SVIL: variants seen among roughly 807,000 people sequenced by gnomAD.
SVIL encodes supervillin, also known as archvillin.
A neutral mutation model predicts 240.4 loss-of-function variants in SVIL; 101 were observed. The observed-to-expected ratio is 0.42, with a 90% CI of 0.36 to 0.50. SVIL has a LOEUF of 0.50. SVIL is among the 20% of genes least tolerant of loss of function. The probability of loss-of-function intolerance (pLI) is 0.01; values close to 1 mark genes in which losing one functional copy is unlikely to be tolerated. For synonymous variants in SVIL, 999 were observed against 1,100.0 expected (o/e 0.91, Z 1.82); for missense variants, 2,512 against 2,818.7 (o/e 0.89, Z 2.46).
At chr10:29,502,510 T>G (rs577496765) in intron 17 of SVIL, among the ~76,000 whole-genome samples, 1 of 152,342 alleles carries the variant, frequency 6.6e-6, no homozygotes, top group Non-Finnish European at 1.5e-5. Context: ...GACACATGTT[T>G]GGGATTGGCT....
chr10:29,712,910 C>T (rs1216601954), intron 1 of SVIL, among the ~76,000 whole-genome samples: 1 of 152,178 alleles, frequency 6.6e-6, no homozygotes, highest in Non-Finnish European at 1.5e-5. Context: ...GGCACGGTGG[C>T]TCAGGCCTGT....
chr10:29,570,120 A>G (rs548206641), intron 1 of SVIL, among the ~76,000 whole-genome samples: 7 of 152,388 alleles, frequency 4.6e-5, no homozygotes, highest in African/African-American at 1.7e-4. Context: ...TACAAAATAT[A>G]TCAGATGTTG....
At chr10:29,500,012 G>A (rs916582679) in intron 17 of SVIL, among the ~76,000 whole-genome samples, 65 of 152,168 alleles carry the variant, frequency 4.3e-4, no homozygotes, top group Admixed American at 8.5e-4. Flanking sequence ...ATGCTCATTA[G>A]GCTTGCGGTT....
In SVIL at chr10:29,612,741, A is replaced by T. The variant is rs368637249; in HGVS notation, c.-201+21679T>A. On this transcript the variant is annotated intron_variant, in intron 1 of 37. Coordinates refer to ENST00000355867, the MANE Select transcript of SVIL (RefSeq NM_021738.3). Reference sequence around the variant, plus strand: ...GAAAAAAGATTTCAAAAAGTTTAAAAAACGTAGATCCTTAGTAAATGTGCT... The same window carrying T: ...GAAAAAAGATTTCAAAAAGTTTAAATAACGTAGATCCTTAGTAAATGTGCT... Among the ~76,000 whole-genome samples, 7 of 152,200 alleles carry T rather than the reference A, an allele frequency of 4.6e-5. No homozygotes were observed. The East Asian group carries it at 5.8e-4, about 13-fold the overall frequency.
intron 1 of SVIL, among the ~76,000 whole-genome samples, chr10:29,590,427 T>C (rs1211907587): frequency 6.6e-6 from 1 of 152,044 alleles, no homozygotes; most frequent in Non-Finnish European, 1.5e-5. Context: ...CACTGCATTT[T>C]CCCCCGACAT....
At chr10:29,615,483 G>C (rs1375591330) in intron 1 of SVIL, among the ~76,000 whole-genome samples, 3 of 152,192 alleles carry the variant, frequency 2.0e-5, no homozygotes, top group Admixed American at 2.0e-4. Context: ...GCTAAAGCTG[G>C]TTATTCCTCG....
intron 16 of SVIL, among the ~76,000 whole-genome samples, chr10:29,515,022 A>G (rs950026913): frequency 2.6e-5 from 4 of 152,184 alleles, no homozygotes; most frequent in East Asian, 1.9e-4. Flanking sequence ...GAATCCCCCA[A>G]AGGAGGCAGG....
chr10:29,527,745 T>TTTTCA, intron 12 of SVIL, among the ~76,000 whole-genome samples: 1 of 136,710 alleles, frequency 7.3e-6, no homozygotes, highest in Non-Finnish European at 1.6e-5. Flanking sequence ...TTTTTTTTTT[T>TTTTCA]GACAGAGTCT....
chr10:29,676,964 T>C (rs1302844329), intron 2 of SVIL, among the ~76,000 whole-genome samples: 3 of 152,172 alleles, frequency 2.0e-5, no homozygotes, highest in African/African-American at 7.2e-5. Context: ...AGAGATCACT[T>C]ACTTACGGAC....
intron 1 of SVIL, among the ~76,000 whole-genome samples, chr10:29,579,336 G>A (rs1413879365): frequency 6.6e-6 from 1 of 152,200 alleles, no homozygotes; most frequent in Non-Finnish European, 1.5e-5. Flanking sequence ...TACTCGGGAG[G>A]CTGAGACAGG....
Position 29,499,419 on chromosome 10 carries a change from T to C in SVIL, c.3517-156A>G, listed in dbSNP as rs116659619. The stretch of plus-strand genomic sequence containing the variant: ...AAAAATGTTCTATCTGAAATGGGCT[T>C]GGCTTCCTTACGTCCAGGTTGGGTG... On this transcript the variant is annotated intron_variant, in intron 17 of 37. Transcript: ENST00000355867. 0.038 allele frequency among the ~76,000 whole-genome samples: 5,753 copies of C among 152,328 alleles called. 376 individuals carry two copies. Among genetic ancestry groups the C allele is most frequent in the African/African-American group, 0.13 (5,478 of 41,538 alleles).
chr10:29,689,155 C>T (rs1292791905), intron 1 of SVIL, among the ~76,000 whole-genome samples: 1 of 152,202 alleles, frequency 6.6e-6, no homozygotes, highest in Admixed American at 6.5e-5. Flanking sequence ...GGGACCTTAG[C>T]TCAACTTTTT....
At chr10:29,500,547 G>A (rs1198512995) in intron 17 of SVIL, among the ~76,000 whole-genome samples, 2 of 152,120 alleles carry the variant, frequency 1.3e-5, no homozygotes, top group South Asian at 2.1e-4. Flanking sequence ...TGCTGCTAGC[G>A]CATCCGCTTT....
chr10:29,617,603 A>AG (rs1957476187), intron 1 of SVIL, among the ~76,000 whole-genome samples: 3 of 152,040 alleles, frequency 2.0e-5, no homozygotes, highest in African/African-American at 7.2e-5. Context: ...AAAGAAAGAA[A>AG]AAAAAAGAGA....
chr10:29,650,210 A>T (rs989899369), intron 3 of SVIL, among the ~76,000 whole-genome samples: 1 of 152,194 alleles, frequency 6.6e-6, no homozygotes, highest in Admixed American at 6.5e-5. Context: ...ATTTCCAACT[A>T]ATATTTTCTC....
chr10:29,506,187 G>T (rs1949260889), intron 17 of SVIL, among the ~76,000 whole-genome samples: 2 of 152,120 alleles, frequency 1.3e-5, no homozygotes, highest in Non-Finnish European at 2.9e-5. Context: ...TACACTTAAA[G>T]ACTTCAGTAA....
intron 1 of SVIL, among the ~76,000 whole-genome samples, chr10:29,703,743 G>T (rs1368520179): frequency 6.6e-6 from 1 of 152,186 alleles, no homozygotes; most frequent in East Asian, 1.9e-4. Context: ...ACAAACAGTT[G>T]GGGAAAGTTA....
chr10:29,680,480 G>C (rs1960549966), intron 2 of SVIL, among the ~76,000 whole-genome samples: 1 of 152,236 alleles, frequency 6.6e-6, no homozygotes. Flanking sequence ...ATGGGCAGGG[G>C]GCCGTGGGAT....
chr10:29,527,757 A>C (rs1589123107), intron 12 of SVIL, among the ~76,000 whole-genome samples: 11 of 93,984 alleles, frequency 1.2e-4, no homozygotes, highest in East Asian at 5.9e-4. Context: ...ACAGAGTCTC[A>C]CTCTGTCGCC....
Sources: gnomAD v4.1 joint callset for allele counts (sites outside exome capture counted in the v4.1 genomes callset) on GRCh38, gnomAD v4.1.1 for gene constraint, MANE v1.5 for transcripts, NCBI Gene and HGNC (gene_info 2026-07-23, HGNC 2026-07-21) for gene names.